Variants in SLC9A9 observed in about 807,000 individuals in gnomAD.
The protein encoded by SLC9A9 is sodium/hydrogen exchanger 9.
A neutral mutation model predicts 77.8 loss-of-function variants in SLC9A9; 62 were observed. The ratio of observed to expected loss-of-function variants is 0.80; its 90% CI spans 0.65 to 0.98. SLC9A9 has a LOEUF of 0.98. Among genes scored for constraint, SLC9A9 ranks in the 50% least tolerant of loss-of-function variants. SLC9A9 has a pLI of 0.00. For missense variants in SLC9A9, 775 were observed against 774.9 expected, an observed-to-expected ratio of 1.00 and a Z score of 0.00; for synonymous variants, 320 against 283.5, an observed-to-expected ratio of 1.13 and a Z score of -1.29.
At chr3:143,436,510 G>A (rs1021906539) in intron 12 of SLC9A9, among the ~76,000 whole-genome samples, 1 of 152,210 alleles carries the variant, frequency 6.6e-6, no homozygotes, top group Non-Finnish European at 1.5e-5. Context: ...CTGTTCTAAT[G>A]AGTCCCTTCC....
At chr3:143,526,949 G>C (rs988159873) in intron 9 of SLC9A9, among the ~76,000 whole-genome samples, 2 of 152,176 alleles carry the variant, frequency 1.3e-5, no homozygotes, top group African/African-American at 4.8e-5. Context: ...ACTATATATA[G>C]ATAAGTGTGA....
chr3:143,570,542 C>T (rs1209099733), intron 8 of SLC9A9, among the ~76,000 whole-genome samples: 1 of 152,090 alleles, frequency 6.6e-6, no homozygotes, highest in Non-Finnish European at 1.5e-5. Context: ...TACAGATTAT[C>T]ATTGCAGTAA....
At chr3:143,800,626 A>G (rs1461880794) in intron 2 of SLC9A9, among the ~76,000 whole-genome samples, 1 of 152,178 alleles carries the variant, frequency 6.6e-6, no homozygotes, top group African/African-American at 2.4e-5. Flanking sequence ...CAGTCCCAGC[A>G]GTTTACCTGG....
intron 12 of SLC9A9, among the ~76,000 whole-genome samples, chr3:143,390,999 GC>G (rs1444226647): frequency 6.6e-6 from 1 of 152,248 alleles, no homozygotes; most frequent in Non-Finnish European, 1.5e-5. Flanking sequence ...AGGCCTGCCT[GC>G]CTCTGTAGAC....
At chr3:143,420,131 C>T (rs775500473) in intron 12 of SLC9A9, among the ~76,000 whole-genome samples, 1 of 152,166 alleles carries the variant, frequency 6.6e-6, no homozygotes, top group Non-Finnish European at 1.5e-5. Context: ...AGAAAGAAGG[C>T]AGATTCTGGA....
chr3:143,660,551 T>A lies in SLC9A9; in HGVS notation c.650-8191A>T, dbSNP rs186732319. Among the ~76,000 whole-genome samples the A allele has an allele frequency of 6.6e-5, 10 of 152,320 alleles. No individual in the cohort carries two copies. In the East Asian group the frequency reaches 1.7e-3, roughly 26 times the overall value. On this transcript the variant is annotated intron_variant, in intron 5 of 15. Transcript: ENST00000316549. The stretch of plus-strand genomic sequence containing the variant: ...TGAGACTCTGATCTAAGAACCCAAT[T>A]GAACCAACCTGGACTTCTGACCTAT...
intron 4 of SLC9A9, among the ~76,000 whole-genome samples, chr3:143,756,740 T>C (rs2006937508): frequency 1.3e-5 from 2 of 152,158 alleles, no homozygotes; most frequent in South Asian, 2.1e-4. Context: ...GACTTCAATA[T>C]CAGCTCAAGA....
chr3:143,313,971 G>A (rs2031115452), intron 14 of SLC9A9, among the ~76,000 whole-genome samples: 1 of 152,236 alleles, frequency 6.6e-6, no homozygotes, highest in African/African-American at 2.4e-5. Flanking sequence ...CTGCCTCTCT[G>A]TGGGACTGCG....
intron 5 of SLC9A9, among the ~76,000 whole-genome samples, chr3:143,692,067 C>T (rs185383679): frequency 7.2e-5 from 11 of 152,190 alleles, no homozygotes; most frequent in African/African-American, 2.4e-4. Flanking sequence ...CTGATTAAAC[C>T]TCTGACTCTA....
At chr3:143,651,733 TG>T (rs2038799983) in intron 6 of SLC9A9, among the ~76,000 whole-genome samples, 1 of 152,220 alleles carries the variant, frequency 6.6e-6, no homozygotes, top group African/African-American at 2.4e-5. Context: ...GAAATTGCAC[TG>T]GTGCTGAGCT....
intron 14 of SLC9A9, among the ~76,000 whole-genome samples, chr3:143,309,401 A>C (rs1446253505): frequency 2.3e-5 from 3 of 133,126 alleles, no homozygotes; most frequent in Non-Finnish European, 4.6e-5. Context: ...ATTTATCATA[A>C]AAATAAACAG....
At chr3:143,670,912 T>C (rs2039145809) in intron 5 of SLC9A9, among the ~76,000 whole-genome samples, 1 of 152,238 alleles carries the variant, frequency 6.6e-6, no homozygotes, top group Non-Finnish European at 1.5e-5. Context: ...AACTTGACTC[T>C]TGACTCTTGG....
intron 12 of SLC9A9, among the ~76,000 whole-genome samples, chr3:143,386,178 G>A (rs919439818): frequency 6.6e-6 from 1 of 152,122 alleles, no homozygotes; most frequent in African/African-American, 2.4e-5. Flanking sequence ...CTCCTACTCT[G>A]CTCTCTGCTC....
chr3:143,521,050 T>C, intron 9 of SLC9A9, among the ~76,000 whole-genome samples: 1 of 152,350 alleles, frequency 6.6e-6, no homozygotes, highest in Middle Eastern at 3.4e-3. Context: ...TTTTAAATTC[T>C]TTAATTATTT....
intron 9 of SLC9A9, among the ~76,000 whole-genome samples, chr3:143,543,282 C>T (rs1375156138): frequency 1.3e-5 from 2 of 152,146 alleles, no homozygotes; most frequent in Non-Finnish European, 2.9e-5. Flanking sequence ...CCTTCAGTGC[C>T]CCCTAACCTA....
chr3:143,425,251 C>A (rs1263598599), intron 12 of SLC9A9, among the ~76,000 whole-genome samples: 3 of 141,102 alleles, frequency 2.1e-5, no homozygotes, highest in Admixed American at 7.4e-5. Flanking sequence ...ATGTGGGGAC[C>A]AATGAGGCTT....
chr3:143,727,778 C>A (rs1934695687), intron 4 of SLC9A9, among the ~76,000 whole-genome samples: 1 of 152,182 alleles, frequency 6.6e-6, no homozygotes, highest in Non-Finnish European at 1.5e-5. Context: ...TTGACAATGA[C>A]CCATCTATAC....
chr3:143,435,342 A>G (rs2034601723), intron 12 of SLC9A9, among the ~76,000 whole-genome samples: 1 of 152,214 alleles, frequency 6.6e-6, no homozygotes, highest in African/African-American at 2.4e-5. Flanking sequence ...GTCGATAGTG[A>G]GAGCCCTTGG....
chr3:143,267,653 T>A (rs368019754), intron 15 of SLC9A9, among the ~76,000 whole-genome samples: 9 of 152,180 alleles, frequency 5.9e-5, no homozygotes, highest in African/African-American at 2.2e-4. Flanking sequence ...ACGCCTGGCC[T>A]CCTGTTACAT....
Sources: gnomAD v4.1 joint callset for allele counts (sites outside exome capture counted in the v4.1 genomes callset) on GRCh38, gnomAD v4.1.1 for gene constraint, MANE v1.5 for transcripts, NCBI Gene and HGNC (gene_info 2026-07-23, HGNC 2026-07-21) for gene names.